The following NAMPT variants were observed in gnomAD, a reference collection of about 807,000 sequenced individuals.
NAMPT encodes nicotinamide phosphoribosyltransferase.
Under a neutral mutation model 58.7 loss-of-function variants are expected in NAMPT, and 7 were observed. The ratio of observed to expected loss-of-function variants is 0.12; its 90% confidence interval spans 0.07 to 0.22. NAMPT has a LOEUF of 0.22. Among genes scored for constraint, NAMPT ranks in the 10% least tolerant of loss-of-function variants. NAMPT has a pLI of 1.00. For missense variants in NAMPT, 271 were observed against 567.9 expected (o/e 0.48, Z 5.31); for synonymous variants, 145 against 198.1 (o/e 0.73, Z 2.25).
At chr7:106,269,781 T>C (rs1249705225) in intron 4 of NAMPT, among the ~76,000 whole-genome samples, 4 of 152,202 alleles carry the variant, frequency 2.6e-5, no homozygotes, top group Admixed American at 6.5e-5. Context: ...TGAACCAGCA[T>C]TGGTCCGTGG....
intron 10 of NAMPT, among the ~76,000 whole-genome samples, chr7:106,252,306 A>C (rs1474001205): frequency 6.6e-6 from 1 of 152,146 alleles, no homozygotes; most frequent in Non-Finnish European, 1.5e-5. Flanking sequence ...ATCTAATTCT[A>C]AAAGTTTGAT....
At chr7:106,282,136 A>G (rs541439557) in intron 1 of NAMPT, among the ~76,000 whole-genome samples, 2 of 152,266 alleles carry the variant, frequency 1.3e-5, no homozygotes, top group South Asian at 2.1e-4. Context: ...CACCGTGACA[A>G]TACCGAAGCA....
At position 106,283,005 on chromosome 7, in the gene NAMPT, CTAAGACT is replaced by C. The variant is rs1386621197; in HGVS notation, c.57+1816_57+1822del. Among the ~76,000 whole-genome samples, 14 of 152,126 alleles carry C rather than the reference CTAAGACT, an allele frequency of 9.2e-5. No individual in the cohort carries two copies. The East Asian group carries it at 2.7e-3, about 29-fold the overall frequency. On this transcript the variant is annotated intron_variant, in intron 1 of 10. Transcript: ENST00000222553. Reference sequence around the variant, plus strand: ...CCTAAAAACATAAGGGAAATGAAACCTAAGACTTAAATGTGACTGTGGAATACACAAT... The same window carrying C: ...CCTAAAAACATAAGGGAAATGAAACCTAAATGTGACTGTGGAATACACAAT...
At chr7:106,264,844 TTA>T (rs1023926034) in intron 6 of NAMPT, among the ~76,000 whole-genome samples, 1 of 151,942 alleles carries the variant, frequency 6.6e-6, no homozygotes, top group Non-Finnish European at 1.5e-5. Flanking sequence ...GAGTCAGACT[TTA>T]TGTCTGAAAT....
At position 106,267,871 on chromosome 7, in the gene NAMPT, A is replaced by AAAC. The variant is rs1562815987; in HGVS notation, c.743+592_743+593insGTT. Among the ~76,000 whole-genome samples the AAAC allele has an allele frequency of 2.0e-3, 275 of 137,290 alleles. 7 individuals carry two copies. Among genetic ancestry groups the AAAC allele is most frequent in the African/African-American group, 7.1e-3 (257 of 35,998 alleles). 90.1% of individuals were successfully genotyped at this position (137,290 alleles called of 152,430 possible). On this transcript the variant is annotated intron_variant, in intron 6 of 10. Coordinates refer to ENST00000222553, the MANE Select transcript of NAMPT (RefSeq NM_005746.3). ...AAAAAAAAAAAAAAAAAAAAAAAAA[A>AAAC]AAAAACAACCTGATTTACTTTTAAT...
Position 106,249,247 on chromosome 7 carries a change from T to G in NAMPT, c.*1836A>C, listed in dbSNP as rs1333787650. The G allele has an allele frequency of 6.6e-6, 1 of 152,532 alleles. No individual in the cohort carries two copies. Among genetic ancestry groups the G allele is most frequent in the Non-Finnish European group, 1.5e-5 (1 of 67,970 alleles). 9.4% of individuals were successfully genotyped at this position (152,532 alleles called of 1,614,324 possible). A position where few individuals can be genotyped will look rare whatever the true frequency, so the allele number is the denominator to read the frequency against. The stretch of plus-strand genomic sequence containing the variant: ...CTTACTAAAAGTGAATAATGCTTAT[T>G]GTTCTCACTACATGTTTAAAGAACC... On this transcript the variant is annotated 3_prime_UTR_variant, in exon 11 of 11. Transcript: ENST00000222553.
At chr7:106,263,329 G>T (rs569792966) in intron 7 of NAMPT, 63 bp downstream of exon 7, 106 of 1,164,046 alleles carry the variant, frequency 9.1e-5, no homozygotes, top group Non-Finnish European at 1.3e-4. Flanking sequence ...TAAATGAAAA[G>T]TAGTATTGAT....
At chr7:106,284,771 C>T (rs1241442270) in intron 1 of NAMPT, 57 bp downstream of exon 1, 3 of 1,389,850 alleles carry the variant, frequency 2.2e-6, no homozygotes, top group Non-Finnish European at 2.9e-6. Flanking sequence ...CCCCCTGCCG[C>T]GCGCTCGTCC....
intron 1 of NAMPT, among the ~76,000 whole-genome samples, chr7:106,283,753 T>C (rs1792809315): frequency 1.3e-5 from 2 of 152,176 alleles, no homozygotes; most frequent in South Asian, 4.1e-4. Context: ...TAAACAGCAT[T>C]TTAAGCTGAT....
intron 6 of NAMPT, among the ~76,000 whole-genome samples, chr7:106,265,676 A>G (rs1025724427): frequency 6.6e-6 from 1 of 152,136 alleles, no homozygotes; most frequent in East Asian, 1.9e-4. Context: ...AGAAAGTTGA[A>G]TATCTTCATC....
intron 1 of NAMPT, among the ~76,000 whole-genome samples, chr7:106,280,435 G>A (rs1792740481): frequency 6.6e-6 from 1 of 152,122 alleles, no homozygotes; most frequent in African/African-American, 2.4e-5. Flanking sequence ...AGTTAACACA[G>A]AAAGCTCTTA....
intron 3 of NAMPT, 55 bp downstream of exon 3, chr7:106,274,891 A>G: frequency 9.0e-7 from 1 of 1,111,576 alleles, no homozygotes. Flanking sequence ...CTTTGCAAGA[A>G]GTTTTGAACT....
At chr7:106,262,253 A>C (rs1792318227) in intron 7 of NAMPT, among the ~76,000 whole-genome samples, 1 of 152,052 alleles carries the variant, frequency 6.6e-6, no homozygotes. Context: ...ACAATACACA[A>C]ATCATCTTAC....
At chr7:106,276,116 T>A (rs1207449939) in intron 2 of NAMPT, 2 of 152,228 alleles carry the variant, frequency 1.3e-5, no homozygotes, top group African/African-American at 2.4e-5. Flanking sequence ...AGGTTTTCAG[T>A]AGTATAAGAC....
At position 106,268,228 on chromosome 7, in the gene NAMPT, A is replaced by G. The variant is rs1792466516; in HGVS notation, c.743+236T>C. The G allele has an allele frequency of 1.2e-5, 4 of 330,858 alleles. No individual in the cohort carries two copies. In the East Asian group the frequency reaches 2.1e-4, roughly 18 times the overall value. The allele number at this position is 330,858 out of a possible 1,614,324, so 20.5% of individuals were successfully genotyped here. A position where few individuals can be genotyped will look rare whatever the true frequency, so the allele number is the denominator to read the frequency against. On this transcript the variant is annotated intron_variant, in intron 6 of 10. Coordinates refer to ENST00000222553, the MANE Select transcript of NAMPT (RefSeq NM_005746.3). ...AAAAATTCCTTAAAAGAAAACTTCT[A>G]TGGCAATATAAGTATTGGAAAAAAG...
intron 1 of NAMPT, among the ~76,000 whole-genome samples, chr7:106,280,165 G>T (rs1337213638): frequency 6.6e-6 from 1 of 152,162 alleles, no homozygotes; most frequent in Non-Finnish European, 1.5e-5. Flanking sequence ...TGACCAAAGA[G>T]TGCAGGAGTT....
At chr7:106,274,827 C>T (rs1296164820) in intron 3 of NAMPT, 119 bp downstream of exon 3, 4 of 649,060 alleles carry the variant, frequency 6.2e-6, no homozygotes, top group Non-Finnish European at 1.1e-5. Flanking sequence ...TGCACTCCAG[C>T]CTGGGTGACA....
chr7:106,253,292 T>C, intron 9 of NAMPT, 141 bp from the exon 10 acceptor site: 3 of 795,488 alleles, frequency 3.8e-6, no homozygotes, highest in East Asian at 2.7e-5. Context: ...AATCCACATC[T>C]GGCTTTCAGA....
At chr7:106,284,793 C>G (rs946487972) in intron 1 of NAMPT, 35 bp downstream of exon 1, 1 of 1,465,054 alleles carries the variant, frequency 6.8e-7, no homozygotes, top group Non-Finnish European at 9.1e-7. Flanking sequence ...CAGCGCGCCC[C>G]GCTCCTCCTC....
Sources: allele counts gnomAD v4.1 joint callset (sites outside exome capture counted in the v4.1 genomes callset), GRCh38; gene constraint gnomAD v4.1.1; transcripts MANE v1.5; gene names NCBI Gene and HGNC (gene_info 2026-07-23, HGNC 2026-07-21).